COX15: variants seen among roughly 807,000 people sequenced by gnomAD.
COX15 encodes the protein cytochrome c oxidase assembly factor COX15, also known as heme A synthase COX15.
COX15 carries 51 observed loss-of-function variants against 51.9 expected under a neutral mutation model. The ratio of observed to expected loss-of-function variants is 0.98; its 90% CI spans 0.78 to 1.24. The LOEUF (loss-of-function observed/expected upper bound fraction) is 1.24. COX15 is among the 50% of genes most tolerant of loss of function. COX15 has a pLI of 0.00. For synonymous variants in COX15, 188 were observed against 190.5 expected, an observed-to-expected ratio of 0.99 and a Z score of 0.11; for missense variants, 420 against 501.1, an observed-to-expected ratio of 0.84 and a Z score of 1.55.
Position 99,727,440 on chromosome 10 carries a change from C to G in COX15, c.395+1G>C. 1 of 1,613,324 alleles carries G rather than the reference C, an allele frequency of 6.2e-7. No homozygotes were observed. The highest frequency in any genetic ancestry group is 8.5e-7 in the Non-Finnish European group (1 of 1,180,000). On this transcript the variant is annotated splice_donor_variant, in intron 3 of 8. Transcript: ENST00000016171. LOFTEE classifies it high-confidence loss of function. ...TTTACCTAATTTTCTCTAATACTTA[C>G]ATTTTAAATTCTGGAAATTGCTGGT...
the COX15 span, among the ~76,000 whole-genome samples, chr10:99,702,036 G>T: frequency 6.6e-6 from 1 of 151,908 alleles, no homozygotes; most frequent in Non-Finnish European, 1.5e-5. Context: ...GTGACAGAGT[G>T]AGACTCTGTC....
chr10:99,730,576 T>TC (rs1222802731), intron 1 of COX15, among the ~76,000 whole-genome samples: 2 of 80,512 alleles, frequency 2.5e-5, no homozygotes, highest in African/African-American at 9.9e-5. Flanking sequence ...GAAGTGAGAC[T>TC]CCATCTCTCA....
the COX15 span, chr10:99,698,393 G>A: frequency 2.6e-6 from 2 of 760,764 alleles, no homozygotes; most frequent in Middle Eastern, 2.7e-4. Flanking sequence ...TTTATGTGAT[G>A]AAATTGCACT....
the COX15 span, chr10:99,698,626 G>C: frequency 6.2e-7 from 1 of 1,614,088 alleles, no homozygotes; most frequent in Non-Finnish European, 8.5e-7. Flanking sequence ...GAGAGGAACA[G>C]CCAAGTCTTA....
At chr10:99,721,587 A>G (rs1284666533) in intron 5 of COX15, among the ~76,000 whole-genome samples, 2 of 152,234 alleles carry the variant, frequency 1.3e-5, no homozygotes, top group Non-Finnish European at 2.9e-5. Flanking sequence ...TCTAATACTA[A>G]TAAGTGAATC....
At chr10:99,710,535 C>A, downstream of COX15, 2 of 985,362 alleles carry the variant, frequency 2.0e-6, no homozygotes, top group Non-Finnish European at 2.4e-6. Flanking sequence ...TCACATTAAA[C>A]AATAATTTTG....
chr10:99,701,531 G>A, the COX15 span, among the ~76,000 whole-genome samples: 4 of 151,522 alleles, frequency 2.6e-5, no homozygotes, highest in South Asian at 2.1e-4. Flanking sequence ...CAAGTGATCC[G>A]CCTGCCTCGC....
intron 4 of COX15, among the ~76,000 whole-genome samples, chr10:99,725,635 C>A (rs1398476062): frequency 1.3e-5 from 2 of 152,148 alleles, no homozygotes; most frequent in African/African-American, 2.4e-5. Context: ...TCTCAGCTCG[C>A]TGCAACCTCC....
the COX15 span, chr10:99,701,122 G>C: frequency 7.7e-7 from 1 of 1,291,084 alleles, no homozygotes; most frequent in Admixed American, 1.7e-5. Context: ...TTATAATGGA[G>C]AGTGAGCAAT....
Position 99,714,175 on chromosome 10 carries a change from A to G in COX15, c.*412T>C, listed in dbSNP as rs1353638783. On this transcript the variant is annotated 3_prime_UTR_variant, in exon 9 of 9. Transcript: ENST00000016171. ...TGGGTATGTCAATCCTATCCTTTCA[A>G]TCTTCACCTAATGGAAGTGAAGTTA... is the stretch of plus-strand genomic sequence containing the variant. 14 of 1,061,350 alleles carry G rather than the reference A, an allele frequency of 1.3e-5. No homozygotes were observed. In the East Asian group the frequency reaches 4.6e-4, roughly 35 times the overall value. 65.7% of individuals were successfully genotyped at this position (1,061,350 alleles called of 1,614,324 possible). A position where few individuals can be genotyped will look rare whatever the true frequency, so the allele number is the denominator to read the frequency against.
In COX15 at chr10:99,714,455, A is replaced by T. The variant is rs932518024; in HGVS notation, c.*132T>A. The T allele has an allele frequency of 6.5e-7, 1 of 1,541,588 alleles. No homozygotes were observed. Among genetic ancestry groups the T allele is most frequent in the Non-Finnish European group, 8.7e-7 (1 of 1,147,504 alleles). ...AGTGACTATCTCAAAACAGGAAAAG[A>T]TTTTTAAGTAAGTTGACCATTTGGA... On this transcript the variant is annotated 3_prime_UTR_variant, in exon 9 of 9. Coordinates refer to ENST00000016171, the MANE Select transcript of COX15 (RefSeq NM_078470.6).
Position 99,729,649 on chromosome 10 carries a change from G to T in COX15, c.176C>A (p.Ser59Tyr). ...CCGCTCAGCAGCCTTTGAGGGAAGG[G>T]ACACTGTACCCCTTCCAGATTGCAA... is the stretch of plus-strand genomic sequence containing the variant. Reference protein sequence around the residue: ...VALQSGRGTVSLPSKAAERVV... With the variant: ...VALQSGRGTVYLPSKAAERVV... The change falls in exon 2 of 9, where the codon TCC becomes TAC. Residue 59 changes from serine (S) to tyrosine (Y), a missense_variant. Ser to Tyr is a moderately radical substitution (Grantham distance 144). Transcript: ENST00000016171. 6.2e-7 allele frequency: 1 copy of T among 1,614,100 alleles called. No individual in the cohort carries two copies. The highest frequency in any genetic ancestry group is 1.1e-5 in the South Asian group (1 of 91,072).
downstream of COX15, chr10:99,710,708 A>G (rs755371355): frequency 1.1e-4 from 108 of 985,346 alleles, no homozygotes; most frequent in Non-Finnish European, 1.2e-4. Flanking sequence ...TCCCAGGACC[A>G]CAAGGGTAGC....
downstream of COX15, among the ~76,000 whole-genome samples, chr10:99,706,425 T>G (rs2133536736): frequency 6.6e-6 from 1 of 151,612 alleles, no homozygotes; most frequent in African/African-American, 2.4e-5. Context: ...AGCCTCAACC[T>G]CCTGGGCTCA....
chr10:99,709,156 A>C, downstream of COX15: 4 of 985,094 alleles, frequency 4.1e-6, no homozygotes, highest in Non-Finnish European at 4.8e-6. Context: ...ACTACAGCCT[A>C]GATGAAGGTA....
chr10:99,700,874 C>A, the COX15 span: 1 of 939,294 alleles, frequency 1.1e-6, no homozygotes, highest in Non-Finnish European at 1.7e-6. Flanking sequence ...CAGCTGGTAG[C>A]CCACAAGTAA....
At position 99,727,501 on chromosome 10, in the gene COX15, G is replaced by A. The variant is rs757776417; in HGVS notation, c.335C>T (p.Thr112Ile). The A allele has an allele frequency of 4.3e-6, 7 of 1,613,682 alleles. No homozygotes were observed. The African/African-American group carries it at 9.3e-5, about 22-fold the overall frequency. ...WHLIKEMKPP[T>I]SQEEWEAEFQ... ...TTCTGCTTCCCATTCCTCTTGGCTT[G>A]TAGGTGGCTTCATCTCCTTTATTAA... The change falls in exon 3 of 9, where the codon ACA becomes ATA. Residue 112 changes from threonine to isoleucine, a missense_variant. Thr to Ile is a moderately conservative substitution (Grantham distance 89, BLOSUM62 -1). Coordinates refer to ENST00000016171, the MANE Select transcript of COX15 (RefSeq NM_078470.6).
chr10:99,732,045 T>A lies in COX15; in HGVS notation c.5A>T (p.Gln2Leu). The A allele has an allele frequency of 6.2e-7, 1 of 1,612,572 alleles. No individual in the cohort carries two copies. Among genetic ancestry groups the A allele is most frequent in the Non-Finnish European group, 8.5e-7 (1 of 1,179,472 alleles). Residue 2 changes from glutamine (Q) to leucine (L), a missense_variant, in exon 1 of 9, where the codon CAG becomes CTG. By Grantham distance (113) the Gln-to-Leu change is moderately radical (BLOSUM62 -2). Transcript: ENST00000016171. ...CCTCAACGGCGGAAAGAGCAATCGC[T>A]GCATACTGATGACAGGGAACAGCCA... M[Q>L]RLLFPPLRAL... is the part of the protein sequence containing the mutation.
chr10:99,707,927 A>AG (rs2036284168), downstream of COX15, among the ~76,000 whole-genome samples: 1 of 152,210 alleles, frequency 6.6e-6, no homozygotes. Context: ...GAACAAATTC[A>AG]GGGGGTACAA....
Sources: allele counts gnomAD v4.1 joint callset (sites outside exome capture counted in the v4.1 genomes callset), GRCh38; gene constraint gnomAD v4.1.1; transcripts MANE v1.5; gene names NCBI Gene and HGNC (gene_info 2026-07-23, HGNC 2026-07-21).